CD2: variants seen among roughly 807,000 people sequenced by gnomAD.
CD2 encodes the protein CD2 molecule.
Under a neutral mutation model 23.2 loss-of-function variants are expected in CD2, and 18 were observed. The ratio of observed to expected loss-of-function variants is 0.77; its 90% CI spans 0.54 to 1.15. The LOEUF is 1.15. CD2 is among the 50% of genes most tolerant of loss of function. The probability of loss-of-function intolerance (pLI) is 0.00; values close to 1 mark genes in which losing one functional copy is unlikely to be tolerated. For missense variants in CD2, 424 were observed against 423.1 expected, an observed-to-expected ratio of 1.00 and a Z score of -0.02; for synonymous variants, 162 against 151.9, an observed-to-expected ratio of 1.07 and a Z score of -0.49.
rs769894316 is a variant in CD2, at chr1:116,760,614, G to A, written c.595G>A (p.Glu199Lys). The change falls in exon 3 of 5, where the codon GAG becomes AAG. Residue 199 changes from glutamate to lysine, a missense_variant. By Grantham distance (56) the Glu-to-Lys change is moderately conservative. Transcript: ENST00000369478. ...CAAAGTCAGCAAGGAATCCAGTGTC[G>A]AGCCTGTCAGCTGTCCAGGTGCGTG... ...GNKVSKESSV[E>K]PVSCPEKGLD... is the part of the protein sequence containing the mutation. The A allele has an allele frequency of 2.2e-5, 35 of 1,614,016 alleles. No individual in the cohort carries two copies. The South Asian group carries it at 2.4e-4, about 11-fold the overall frequency.
Position 116,769,154 on chromosome 1 carries a change from TGGA to T in CD2, c.*373_*375del. The T allele has an allele frequency of 5.6e-6, 1 of 178,434 alleles. No individual in the cohort carries two copies. The highest frequency in any genetic ancestry group is 1.6e-4 in the South Asian group (1 of 6,066). The allele number at this position is 178,434 out of a possible 1,614,324, so 11.1% of individuals were successfully genotyped here. On this transcript the variant is annotated 3_prime_UTR_variant, in exon 5 of 5. Coordinates refer to ENST00000369478, the MANE Select transcript of CD2 (RefSeq NM_001767.5). ...AGCAGCCTATCTGCTTAAGAGACTC[TGGA>T]GTTTCTTATGTGCCCTGGTGGACAC...
intron 3 of CD2, among the ~76,000 whole-genome samples, chr1:116,762,834 C>G (rs191928255): frequency 1.3e-5 from 2 of 152,336 alleles, no homozygotes; most frequent in East Asian, 3.9e-4. Context: ...TGCCCCAGGG[C>G]ACCACCCTGG....
At chr1:116,763,906 C>T (rs536319736) in intron 3 of CD2, among the ~76,000 whole-genome samples, 12 of 152,142 alleles carry the variant, frequency 7.9e-5, no homozygotes, top group African/African-American at 2.9e-4. Flanking sequence ...AGGGTGCTGG[C>T]CGTGAGGTCA....
Position 116,769,081 on chromosome 1 carries a change from G to A in CD2, c.*298G>A. On this transcript the variant is annotated 3_prime_UTR_variant, in exon 5 of 5. Transcript: ENST00000369478. ...GATTTCTTGTCCCCTCTCAGGTCAT[G>A]TGTAGATGCGATAAATCAAGTGATT... 1 of 328,280 alleles carries A rather than the reference G, an allele frequency of 3.0e-6. No homozygotes were observed. Among genetic ancestry groups the A allele is most frequent in the Non-Finnish European group, 5.6e-6 (1 of 179,556 alleles). The allele number at this position is 328,280 out of a possible 1,614,324, so 20.3% of individuals were successfully genotyped here. A position where few individuals can be genotyped will look rare whatever the true frequency, so the allele number is the denominator to read the frequency against.
chr1:116,755,670 G>A (rs556744611), intron 2 of CD2, among the ~76,000 whole-genome samples: 3 of 152,074 alleles, frequency 2.0e-5, no homozygotes, highest in Admixed American at 6.6e-5. Flanking sequence ...GGTATCATTA[G>A]GTTCTAAAGC....
intron 2 of CD2, among the ~76,000 whole-genome samples, chr1:116,757,074 G>A (rs1651875649): frequency 6.7e-6 from 1 of 150,056 alleles, no homozygotes; most frequent in Non-Finnish European, 1.5e-5. Flanking sequence ...TCAGCTCACT[G>A]CAGCCTCTGC....
rs530777581 is a variant in CD2, at chr1:116,760,502, T to C, written c.483T>C (p.Asp161=). ...ACCCCGAATTAAACCTGTATCAAGA[T>C]GGGAAACATCTAAAACTTTCTCAGA... ...GTDPELNLYQ[D]GKHLKLSQRV... Residue 161 remains aspartate (D), a synonymous_variant, in exon 3 of 5, where the codon GAT becomes GAC. Coordinates refer to ENST00000369478, the MANE Select transcript of CD2 (RefSeq NM_001767.5). 11 of 1,614,174 alleles carry C rather than the reference T, an allele frequency of 6.8e-6. No individual in the cohort carries two copies. In the African/African-American group the frequency reaches 1.1e-4, roughly 16 times the overall value.
intron 2 of CD2, among the ~76,000 whole-genome samples, chr1:116,757,592 G>A (rs1423116426): frequency 1.3e-5 from 2 of 152,024 alleles, no homozygotes; most frequent in Non-Finnish European, 2.9e-5. Flanking sequence ...TTATTAATCA[G>A]TTAAATTAAG....
intron 3 of CD2, among the ~76,000 whole-genome samples, chr1:116,763,269 G>A (rs1293871485): frequency 6.6e-6 from 1 of 152,222 alleles, no homozygotes; most frequent in East Asian, 1.9e-4. Flanking sequence ...ACAGTTTGAT[G>A]ATCTGTTAAA....
intron 4 of CD2, among the ~76,000 whole-genome samples, chr1:116,765,838 A>G (rs1652200247): frequency 6.6e-6 from 1 of 152,288 alleles, no homozygotes; most frequent in Non-Finnish European, 1.5e-5. Flanking sequence ...CAGGCTGAGA[A>G]GAATGATGGT....
chr1:116,764,338 C>T (rs1019320919), intron 3 of CD2, 146 bp from the exon 4 acceptor site: 4 of 1,301,780 alleles, frequency 3.1e-6, no homozygotes, highest in East Asian at 2.5e-5. Context: ...CACCACTCAC[C>T]ACCCTCTGTG....
intron 2 of CD2, among the ~76,000 whole-genome samples, chr1:116,757,775 AGG>A (rs1491407630): frequency 0.015 from 2,280 of 147,296 alleles, 37 homozygotes; most frequent in South Asian, 0.051. Context: ...AGAGAGAGAG[AGG>A]CAGACAGAAA....
intron 4 of CD2, 100 bp from the exon 5 acceptor site, chr1:116,768,364 C>G (rs1482469577): frequency 3.5e-6 from 4 of 1,153,882 alleles, no homozygotes; most frequent in Non-Finnish European, 2.4e-6. Flanking sequence ...ATTGCATCCC[C>G]CAAAGCAGCT....
At chr1:116,763,225 C>T (rs895728925) in intron 3 of CD2, among the ~76,000 whole-genome samples, 4 of 152,202 alleles carry the variant, frequency 2.6e-5, no homozygotes, top group Non-Finnish European at 5.9e-5. Context: ...CAGAGAGAGA[C>T]TCGAGGAAAG....
At position 116,768,998 on chromosome 1, in the gene CD2, A is replaced by G. The variant is rs1208702734; in HGVS notation, c.*215A>G. 7.0e-6 allele frequency: 4 copies of G among 569,786 alleles called. No individual in the cohort carries two copies. The highest frequency in any genetic ancestry group is 1.2e-5 in the Non-Finnish European group (4 of 322,136). The allele number at this position is 569,786 out of a possible 1,614,324, so 35.3% of individuals were successfully genotyped here. ...AGAGAGCTCCATCACACCAGTAAGG[A>G]GAAGCAATATAAGTGTGATTGCAAG... On this transcript the variant is annotated 3_prime_UTR_variant, in exon 5 of 5. Transcript: ENST00000369478.
In CD2 at chr1:116,767,429, T is replaced by C. The variant is rs531804278; in HGVS notation, c.737-1035T>C. Among the ~76,000 whole-genome samples the C allele has an allele frequency of 2.6e-5, 4 of 151,988 alleles. No individual in the cohort carries two copies. The East Asian group carries it at 7.7e-4, about 29-fold the overall frequency. ...CAACATGGAGAAACGCCATCTCTACTAAAAATACAATATTAGCCGGGCGTG... is the reference window on the plus strand; with the variant it reads ...CAACATGGAGAAACGCCATCTCTACCAAAAATACAATATTAGCCGGGCGTG... On this transcript the variant is annotated intron_variant, in intron 4 of 4. Coordinates refer to ENST00000369478, the MANE Select transcript of CD2 (RefSeq NM_001767.5).
chr1:116,762,741 C>A (rs933385436), intron 3 of CD2, among the ~76,000 whole-genome samples: 1 of 152,202 alleles, frequency 6.6e-6, no homozygotes, highest in Non-Finnish European at 1.5e-5. Flanking sequence ...GATTTAGGAA[C>A]TGGGAGGGCA....
intron 4 of CD2, 168 bp downstream of exon 4, chr1:116,764,774 A>G: frequency 1.6e-6 from 1 of 615,212 alleles, no homozygotes. Context: ...GGTTAGCTTG[A>G]TTTTTGAAAA....
intron 2 of CD2, among the ~76,000 whole-genome samples, chr1:116,759,353 G>C (rs1254399233): frequency 6.6e-6 from 1 of 151,730 alleles, no homozygotes; most frequent in Non-Finnish European, 1.5e-5. Flanking sequence ...AAATAAGCTA[G>C]TCCATCTATA....
Sources: gnomAD v4.1 joint callset for allele counts (sites outside exome capture counted in the v4.1 genomes callset) on GRCh38, gnomAD v4.1.1 for gene constraint, MANE v1.5 for transcripts, NCBI Gene and HGNC (gene_info 2026-07-23, HGNC 2026-07-21) for gene names.